WWOX: variants seen among roughly 807,000 people sequenced by gnomAD.
WWOX encodes WW domain containing oxidoreductase.
In WWOX, 69 loss-of-function variants were observed where a neutral mutation model predicts 46.2. The observed-to-expected ratio is 1.49, with a 90% CI of 1.23 to 1.82. The LOEUF is 1.82. Among genes scored for constraint, WWOX ranks in the 40% most tolerant of loss-of-function variants. WWOX has a pLI of 0.00. For synonymous variants in WWOX, 359 were observed against 202.6 expected, an observed-to-expected ratio of 1.77 and a Z score of -6.56; for missense variants, 919 against 542.6, an observed-to-expected ratio of 1.69 and a Z score of -6.89.
intron 8 of WWOX, among the ~76,000 whole-genome samples, chr16:79,139,205 A>C (rs1323920688): frequency 6.6e-6 from 1 of 152,216 alleles, no homozygotes; most frequent in Admixed American, 6.5e-5. Flanking sequence ...GTGCCTCCTA[A>C]GAGGGCAAAT....
At chr16:78,488,631 C>T (rs1002428628) in intron 8 of WWOX, among the ~76,000 whole-genome samples, 2 of 152,112 alleles carry the variant, frequency 1.3e-5, no homozygotes, top group African/African-American at 2.4e-5. Context: ...AATGTCAGTG[C>T]TCTGAGCTCA....
intron 5 of WWOX, among the ~76,000 whole-genome samples, chr16:78,288,267 CTTTT>C (rs201333228): frequency 6.4e-5 from 8 of 124,658 alleles, no homozygotes; most frequent in Non-Finnish European, 8.6e-5. Context: ...TATGAGTTTA[CTTTT>C]TTTTTTTTTT....
At chr16:78,571,066 G>A (rs1044771421) in intron 8 of WWOX, among the ~76,000 whole-genome samples, 7 of 152,154 alleles carry the variant, frequency 4.6e-5, no homozygotes, top group Non-Finnish European at 1.0e-4. Flanking sequence ...AGGTTTGAAG[G>A]GAAGTATTGC....
chr16:79,068,832 TAATAATAATAA>T (rs1206170050), intron 8 of WWOX, among the ~76,000 whole-genome samples: 2 of 114,700 alleles, frequency 1.7e-5, no homozygotes, highest in African/African-American at 6.9e-5. Context: ...ATAATAATAA[TAATAATAATAA>T]TAATAATAAT....
At chr16:78,183,903 C>T (rs77963659) in intron 5 of WWOX, among the ~76,000 whole-genome samples, 3,397 of 152,274 alleles carry the variant, frequency 0.022, 133 homozygotes, top group African/African-American at 0.077. Context: ...ACCTCTGGTC[C>T]GTGAGCCAAT....
rs80036581 is a variant in WWOX, at chr16:78,788,734, G to T, written c.1056+355982G>T. Among the ~76,000 whole-genome samples, 242 of 152,258 alleles carry T rather than the reference G, an allele frequency of 1.6e-3. 1 individual carries two copies. Among genetic ancestry groups the T allele is most frequent in the African/African-American group, 5.6e-3 (232 of 41,548 alleles). Reference sequence around the variant, plus strand: ...CAGCAAATTAATCAAACCCAAAGAGGGGGTTATGGGAACTTCCACCTGAAG... The same window carrying T: ...CAGCAAATTAATCAAACCCAAAGAGTGGGTTATGGGAACTTCCACCTGAAG... On this transcript the variant is annotated intron_variant, in intron 8 of 8. Coordinates refer to ENST00000566780, the MANE Select transcript of WWOX (RefSeq NM_016373.4).
At chr16:78,522,677 C>T (rs1259719056) in intron 8 of WWOX, among the ~76,000 whole-genome samples, 1 of 152,218 alleles carries the variant, frequency 6.6e-6, no homozygotes, top group Admixed American at 6.5e-5. Context: ...AGATGAGATG[C>T]TCTTGCTAGC....
intron 8 of WWOX, among the ~76,000 whole-genome samples, chr16:78,456,474 T>C (rs2083818789): frequency 6.6e-6 from 1 of 152,180 alleles, no homozygotes; most frequent in Non-Finnish European, 1.5e-5. Context: ...ACAAAATACT[T>C]TGTCTCTTTT....
chr16:79,032,995 C>A lies in WWOX; in HGVS notation c.1057-178613C>A, dbSNP rs557520690. 3.3e-5 allele frequency among the ~76,000 whole-genome samples: 5 copies of A among 151,600 alleles called. No homozygotes were observed. In the East Asian group the frequency reaches 7.8e-4, roughly 24 times the overall value. ...CTATGTGCTCTCATCATTTAGTTCCCACTTATAAGTGAGAACATATGGTAT... is the reference window on the plus strand; with the variant it reads ...CTATGTGCTCTCATCATTTAGTTCCAACTTATAAGTGAGAACATATGGTAT... On this transcript the variant is annotated intron_variant, in intron 8 of 8. Coordinates refer to ENST00000566780, the MANE Select transcript of WWOX (RefSeq NM_016373.4).
intron 6 of WWOX, among the ~76,000 whole-genome samples, chr16:78,419,625 C>CGAAAAAAAAA (rs1491558183): frequency 4.5e-5 from 2 of 44,692 alleles, no homozygotes; most frequent in Non-Finnish European, 4.6e-5. Context: ...CAAAAAATAG[C>CGAAAAAAAAA]AAAAAAAAAA....
At chr16:78,706,575 C>G (rs1234369784) in intron 8 of WWOX, among the ~76,000 whole-genome samples, 1 of 152,206 alleles carries the variant, frequency 6.6e-6, no homozygotes, top group Non-Finnish European at 1.5e-5. Flanking sequence ...GAGCTCAGCA[C>G]ACTTGGTGCA....
intron 8 of WWOX, chr16:78,825,989 C>G (rs1008265339): frequency 2.7e-6 from 2 of 736,138 alleles, no homozygotes; most frequent in East Asian, 2.8e-5. Context: ...TATGCCCCAG[C>G]CAGTCCCCAT....
chr16:79,184,261 T>C (rs2050970170), intron 8 of WWOX, among the ~76,000 whole-genome samples: 2 of 152,022 alleles, frequency 1.3e-5, no homozygotes, highest in Middle Eastern at 3.2e-3. Context: ...GTTTGTAGAG[T>C]CCACACAGAA....
intron 8 of WWOX, among the ~76,000 whole-genome samples, chr16:79,058,542 C>T (rs2048306642): frequency 6.6e-6 from 1 of 152,000 alleles, no homozygotes; most frequent in African/African-American, 2.4e-5. Flanking sequence ...GTATATTAGT[C>T]ATGATATAGG....
chr16:78,109,949 C>T, intron 3 of WWOX, 114 bp downstream of exon 3: 1 of 1,138,694 alleles, frequency 8.8e-7, no homozygotes. Context: ...CAGTGTGTAT[C>T]TGTAATCTTA....
intron 8 of WWOX, among the ~76,000 whole-genome samples, chr16:78,693,169 G>A (rs867892519): frequency 1.3e-5 from 2 of 152,052 alleles, no homozygotes; most frequent in South Asian, 4.1e-4. Context: ...GCAATTATTT[G>A]CCCATCTCTT....
In WWOX at chr16:78,575,010, TATATATATATAA is replaced by T. The variant is rs1567654989; in HGVS notation, c.1056+142270_1056+142281del. ...TATTTATTTTTCAATTATATATATA[TATATATATATAA>T]ATATATATATATATATATATATATA... On this transcript the variant is annotated intron_variant, in intron 8 of 8. Coordinates refer to ENST00000566780, the MANE Select transcript of WWOX (RefSeq NM_016373.4). 6.2e-4 allele frequency among the ~76,000 whole-genome samples: 9 copies of T among 14,554 alleles called. 1 individual carries two copies. Among genetic ancestry groups the T allele is most frequent in the Non-Finnish European group, 9.6e-4 (9 of 9,376 alleles). The allele number at this position is 14,554 out of a possible 152,430, so 9.5% of individuals were successfully genotyped here.
At chr16:78,579,452 G>A (rs2044991944) in intron 8 of WWOX, among the ~76,000 whole-genome samples, 1 of 152,162 alleles carries the variant, frequency 6.6e-6, no homozygotes, top group African/African-American at 2.4e-5. Context: ...CATGGGAGGG[G>A]AGGAGCGTGA....
At chr16:78,235,265 G>C (rs28379571) in intron 5 of WWOX, among the ~76,000 whole-genome samples, 17,991 of 152,190 alleles carry the variant, frequency 0.12, 1,219 homozygotes, top group South Asian at 0.25. Flanking sequence ...GTCGTGGTTT[G>C]TGTTCTTTGA....
Sources: allele counts gnomAD v4.1 joint callset (sites outside exome capture counted in the v4.1 genomes callset), GRCh38; gene constraint gnomAD v4.1.1; transcripts MANE v1.5; gene names NCBI Gene and HGNC (gene_info 2026-07-23, HGNC 2026-07-21).